CCDC149: variants seen among roughly 807,000 people sequenced by gnomAD.
CCDC149 encodes the protein coiled-coil domain containing 149.
A neutral mutation model predicts 59.9 loss-of-function variants in CCDC149; 45 were observed. That is an observed-to-expected ratio of 0.75 (90% CI 0.59 to 0.96). The LOEUF (loss-of-function observed/expected upper bound fraction) is 0.96. Ranked by LOEUF, CCDC149 falls within the 40% of genes least tolerant of loss-of-function variation. CCDC149 has a pLI of 0.00. For missense variants in CCDC149, 584 were observed against 664.7 expected, an observed-to-expected ratio of 0.88 and a Z score of 1.33; for synonymous variants, 245 against 260.6, an observed-to-expected ratio of 0.94 and a Z score of 0.58.
chr4:24,956,016 T>C (rs903474816), intron 1 of CCDC149, among the ~76,000 whole-genome samples: 1 of 152,186 alleles, frequency 6.6e-6, no homozygotes, highest in Non-Finnish European at 1.5e-5. Flanking sequence ...TCTAAGGAGA[T>C]GGCAGAAAGT....
intron 3 of CCDC149, among the ~76,000 whole-genome samples, chr4:24,863,434 T>C (rs943463594): frequency 1.3e-5 from 2 of 152,192 alleles, no homozygotes; most frequent in Admixed American, 6.5e-5. Flanking sequence ...CAGTAGCCAG[T>C]AGAGGAAAAG....
At chr4:24,848,878 A>G (rs903848505) in intron 4 of CCDC149, among the ~76,000 whole-genome samples, 1 of 152,200 alleles carries the variant, frequency 6.6e-6, no homozygotes, top group African/African-American at 2.4e-5. Context: ...TGGAAAAGGC[A>G]TTACATTCGT....
intron 1 of CCDC149, among the ~76,000 whole-genome samples, chr4:24,909,290 G>A (rs989341294): frequency 6.6e-6 from 1 of 152,132 alleles, no homozygotes; most frequent in Non-Finnish European, 1.5e-5. Flanking sequence ...ATAAATGCAA[G>A]CCCACGAAAA....
At chr4:24,952,942 G>A (rs1472065400) in intron 1 of CCDC149, among the ~76,000 whole-genome samples, 2 of 151,750 alleles carry the variant, frequency 1.3e-5, no homozygotes, top group East Asian at 1.9e-4. Context: ...CTGTCTTTTC[G>A]GAAGAGATTT....
intron 12 of CCDC149, among the ~76,000 whole-genome samples, chr4:24,815,853 G>T (rs1258360315): frequency 6.6e-6 from 1 of 152,088 alleles, no homozygotes; most frequent in African/African-American, 2.4e-5. Flanking sequence ...GGGTGCAGGG[G>T]GGTGCGTGTG....
At chr4:24,834,865 A>T (rs1266150377) in intron 8 of CCDC149, 83 bp downstream of exon 8, 1 of 1,029,300 alleles carries the variant, frequency 9.7e-7, no homozygotes, top group Admixed American at 2.1e-5. Flanking sequence ...AGACCACAAA[A>T]GCAGCAGCCT....
chr4:24,978,286 T>A lies in CCDC149; in HGVS notation c.-65+1783A>T, dbSNP rs181328132. On this transcript the variant is annotated intron_variant, in intron 1 of 12. Transcript: ENST00000389609. ...TCAGCTTTCACAGACTTGATTTTTT[T>A]AAATAATATAAATATCCTATTAATA... is the stretch of plus-strand genomic sequence containing the variant. 1.7e-3 allele frequency among the ~76,000 whole-genome samples: 254 copies of A among 152,340 alleles called. 1 individual carries two copies. Among genetic ancestry groups the A allele is most frequent in the African/African-American group, 5.7e-3 (238 of 41,586 alleles).
intron 1 of CCDC149, among the ~76,000 whole-genome samples, chr4:24,893,612 A>ATTTTTTTTTTTTT (rs1560241640): frequency 2.1e-4 from 2 of 9,384 alleles, no homozygotes; most frequent in African/African-American, 6.0e-4. Context: ...TAAAATACAG[A>ATTTTTTTTTTTTT]CTTTTTTTTT....
At chr4:24,904,581 T>A (rs534228534) in intron 1 of CCDC149, among the ~76,000 whole-genome samples, 1 of 152,356 alleles carries the variant, frequency 6.6e-6, no homozygotes, top group Non-Finnish European at 1.5e-5. Flanking sequence ...TTTAGTTAAG[T>A]GTGTGTTTGA....
chr4:24,956,529 T>C (rs549576194), intron 1 of CCDC149, among the ~76,000 whole-genome samples: 1 of 152,242 alleles, frequency 6.6e-6, no homozygotes, highest in South Asian at 2.1e-4. Context: ...CCCACACACA[T>C]ACCTTACCTG....
At chr4:24,946,881 C>T (rs1302640125) in intron 1 of CCDC149, among the ~76,000 whole-genome samples, 5 of 152,068 alleles carry the variant, frequency 3.3e-5, no homozygotes, top group South Asian at 2.1e-4. Context: ...TTGTGGTGCC[C>T]GCATATTCAT....
At chr4:24,853,322 G>A (rs1364123959) in intron 3 of CCDC149, 143 bp from the exon 4 acceptor site, 2 of 663,450 alleles carry the variant, frequency 3.0e-6, no homozygotes, top group Admixed American at 2.7e-5. Flanking sequence ...TATGAATGCA[G>A]CCAGTGTGTG....
intron 1 of CCDC149, among the ~76,000 whole-genome samples, chr4:24,974,950 G>A (rs1451318861): frequency 2.6e-5 from 4 of 152,302 alleles, no homozygotes; most frequent in African/African-American, 9.6e-5. Context: ...CCAAAATTCA[G>A]ATGATGCCAA....
chr4:24,912,631 C>A (rs1260051780), intron 1 of CCDC149, among the ~76,000 whole-genome samples, 186 bp downstream of exon 1: 1 of 152,164 alleles, frequency 6.6e-6, no homozygotes, highest in Admixed American at 6.5e-5. Context: ...AAGTGGCGCC[C>A]GCGCAGACCC....
At chr4:24,834,300 T>C (rs1005372215) in intron 8 of CCDC149, among the ~76,000 whole-genome samples, 4 of 152,182 alleles carry the variant, frequency 2.6e-5, no homozygotes, top group African/African-American at 4.8e-5. Flanking sequence ...ATGTTTAGCA[T>C]TGAATTCTGA....
chr4:24,940,298 C>G (rs1247136132), intron 1 of CCDC149, among the ~76,000 whole-genome samples: 1 of 152,048 alleles, frequency 6.6e-6, no homozygotes, highest in African/African-American at 2.4e-5. Flanking sequence ...CCAAACTAAG[C>G]TTCATAAGTG....
intron 1 of CCDC149, among the ~76,000 whole-genome samples, chr4:24,967,532 T>A (rs548864977): frequency 3.3e-4 from 50 of 151,992 alleles, no homozygotes; most frequent in African/African-American, 1.1e-3. Context: ...GGCCAACGCA[T>A]TTTTCTCCAC....
intron 10 of CCDC149, 142 bp from the exon 11 acceptor site, chr4:24,821,229 G>C: frequency 5.1e-6 from 2 of 392,060 alleles, no homozygotes. Context: ...ATAAACTGTA[G>C]AAATGAAACA....
At position 24,873,613 on chromosome 4, in the gene CCDC149, G is replaced by A. The variant is rs1719196585; in HGVS notation, c.264+68C>T. The A allele has an allele frequency of 2.9e-6, 3 of 1,032,942 alleles. No individual in the cohort carries two copies. The South Asian group carries it at 3.9e-5, about 13-fold the overall frequency. The allele number at this position is 1,032,942 out of a possible 1,614,324, so 64.0% of individuals were successfully genotyped here. ...TTAAAGGAAGTTCTCTACATTTTGA[G>A]ATTCCCTGATCCTCCCAATTGCTGC... On this transcript the variant is annotated intron_variant, in intron 3 of 12. Transcript: ENST00000635206.
Sources: gnomAD v4.1 joint callset for allele counts (sites outside exome capture counted in the v4.1 genomes callset) on GRCh38, gnomAD v4.1.1 for gene constraint, MANE v1.5 for transcripts, NCBI Gene and HGNC (gene_info 2026-07-23, HGNC 2026-07-21) for gene names.